The following CACHD1 variants were observed in gnomAD, a reference collection of about 807,000 sequenced individuals.
CACHD1 encodes the protein cache domain containing 1.
In CACHD1, 71 loss-of-function variants were observed where a neutral mutation model predicts 138.7. The ratio of observed to expected loss-of-function variants is 0.51; its 90% CI spans 0.42 to 0.62. The LOEUF (loss-of-function observed/expected upper bound fraction) is 0.62, where lower values mean the gene tolerates loss of function less well. Among genes scored for constraint, CACHD1 ranks in the 20% least tolerant of loss-of-function variants. The pLI is 0.00. For missense variants in CACHD1, 1,389 were observed against 1,625.3 expected (o/e 0.85, Z 2.50); for synonymous variants, 578 against 591.5 (o/e 0.98, Z 0.33).
intron 1 of CACHD1, among the ~76,000 whole-genome samples, chr1:64,494,180 G>A (rs538307524): frequency 6.6e-6 from 1 of 152,332 alleles, no homozygotes; most frequent in East Asian, 1.9e-4. Flanking sequence ...CTGAGCCCTA[G>A]TGAAAGTGGA....
chr1:64,590,500 A>T (rs1047433843), intron 3 of CACHD1, among the ~76,000 whole-genome samples: 2 of 152,170 alleles, frequency 1.3e-5, no homozygotes, highest in Admixed American at 1.3e-4. Flanking sequence ...TATTGACGTC[A>T]TATGAGCCAG....
At chr1:64,570,594 C>T (rs1019144914) in intron 2 of CACHD1, among the ~76,000 whole-genome samples, 7 of 152,006 alleles carry the variant, frequency 4.6e-5, no homozygotes, top group African/African-American at 1.2e-4. Flanking sequence ...GTTTGCAGTT[C>T]GCCCTGTCAT....
intron 9 of CACHD1, among the ~76,000 whole-genome samples, chr1:64,650,429 G>A: frequency 6.6e-6 from 1 of 152,114 alleles, no homozygotes; most frequent in East Asian, 1.9e-4. Context: ...GGAGACCTGG[G>A]AAAAACCTTC....
At chr1:64,664,379 TTTAAA>T in intron 14 of CACHD1, 114 bp from the exon 15 acceptor site, 1 of 979,106 alleles carries the variant, frequency 1.0e-6, no homozygotes, top group South Asian at 1.7e-5. Context: ...TGGAAAGATT[TTTAAA>T]AAGTAATTCG....
chr1:64,634,018 G>GTTTTTTT, intron 6 of CACHD1, 26 bp from the exon 7 acceptor site: 1 of 1,204,898 alleles, frequency 8.3e-7, no homozygotes, highest in South Asian at 1.5e-5. Context: ...AAGTTTGGTG[G>GTTTTTTT]TTTTTTTTTT....
chr1:64,622,643 G>A (rs868778576), intron 4 of CACHD1, among the ~76,000 whole-genome samples: 13 of 152,058 alleles, frequency 8.5e-5, no homozygotes, highest in Admixed American at 5.2e-4. Flanking sequence ...TTCTTAATAC[G>A]GAAGTACTAT....
Position 64,602,793 on chromosome 1 carries a change from C to A in CACHD1, c.411-13C>A. On this transcript the variant is annotated splice_polypyrimidine_tract_variant and intron_variant, in intron 3 of 26. Transcript: ENST00000651257. ...CCTGAATAAGTATTGCTAATTCTCT[C>A]CTATTGTTTCAGATTCGATGGGAAC... The A allele has an allele frequency of 1.9e-6, 3 of 1,571,064 alleles. No individual in the cohort carries two copies. The highest frequency in any genetic ancestry group is 2.6e-6 in the Non-Finnish European group (3 of 1,140,992).
chr1:64,610,438 G>C (rs1025338891), intron 4 of CACHD1, among the ~76,000 whole-genome samples: 38 of 152,154 alleles, frequency 2.5e-4, no homozygotes, highest in African/African-American at 9.2e-4. Flanking sequence ...ATACAATGGG[G>C]GTACAGGCAT....
intron 1 of CACHD1, among the ~76,000 whole-genome samples, chr1:64,473,059 C>T (rs1474546062): frequency 1.3e-5 from 2 of 152,242 alleles, no homozygotes; most frequent in East Asian, 3.9e-4. Context: ...AAGCTCTGAT[C>T]GGTGGGGGGT....
chr1:64,489,240 C>T (rs573193874), intron 1 of CACHD1, among the ~76,000 whole-genome samples: 6 of 152,122 alleles, frequency 3.9e-5, no homozygotes, highest in East Asian at 3.9e-4. Context: ...TTTTTATTTC[C>T]GTCTTATAAC....
At chr1:64,577,312 A>C (rs1646976040) in intron 2 of CACHD1, among the ~76,000 whole-genome samples, 1 of 152,134 alleles carries the variant, frequency 6.6e-6, no homozygotes, top group Admixed American at 6.5e-5. Flanking sequence ...TTTTCATAGG[A>C]ATTTTGAAGA....
At chr1:64,550,745 G>T in intron 2 of CACHD1, 89 bp downstream of exon 2, 1 of 835,668 alleles carries the variant, frequency 1.2e-6, no homozygotes, top group Non-Finnish European at 2.0e-6. Flanking sequence ...CTCCACTTGA[G>T]GTTTCCTGTT....
chr1:64,602,490 G>T (rs1174921828), intron 3 of CACHD1, among the ~76,000 whole-genome samples: 2 of 41,036 alleles, frequency 4.9e-5, no homozygotes, highest in African/African-American at 5.9e-5. Flanking sequence ...TTTTTTTGTA[G>T]CTCTATTTTG....
rs148005339 is a variant in CACHD1, at chr1:64,537,217, C to T, written c.199-13377C>T. ...CCTCCTATTCTCTTTAAAGGTTAGC[C>T]GATGATTGCGTTTTCCCCTCACCCA... On this transcript the variant is annotated intron_variant, in intron 1 of 26. Coordinates refer to ENST00000651257, the MANE Select transcript of CACHD1 (RefSeq NM_020925.4). Among the ~76,000 whole-genome samples the T allele has an allele frequency of 2.6e-4, 40 of 152,006 alleles. No individual in the cohort carries two copies. The East Asian group carries it at 6.6e-3, about 25-fold the overall frequency.
intron 3 of CACHD1, among the ~76,000 whole-genome samples, chr1:64,589,903 A>G (rs568239418): frequency 2.2e-4 from 33 of 152,288 alleles, no homozygotes; most frequent in African/African-American, 7.5e-4. Context: ...AAAGTGTACT[A>G]CTAAACCTAT....
intron 1 of CACHD1, among the ~76,000 whole-genome samples, chr1:64,472,916 A>G (rs1323860834): frequency 6.6e-6 from 1 of 151,280 alleles, no homozygotes; most frequent in Non-Finnish European, 1.5e-5. Flanking sequence ...AGATGCTGAC[A>G]GCCATTTTAC....
chr1:64,615,861 A>T (rs12044335), intron 4 of CACHD1, among the ~76,000 whole-genome samples: 21,939 of 152,104 alleles, frequency 0.14, 1,914 homozygotes, highest in African/African-American at 0.24. Flanking sequence ...TATCCAAAAC[A>T]ATCAGTCCGT....
rs373220140 is a variant in CACHD1 at position 64,613,912 on chromosome 1, A to G, written c.517+11000A>G. Among the ~76,000 whole-genome samples, 55 of 152,292 alleles carry G rather than the reference A, an allele frequency of 3.6e-4. 1 individual carries two copies. The highest frequency in any genetic ancestry group is 1.2e-3 in the African/African-American group (51 of 41,562). On this transcript the variant is annotated intron_variant, in intron 4 of 26. Transcript: ENST00000651257. ...GTCTATTTCTGAGTTTATTTATTGAATAACCACCTTCAGGACACACATCTC... is the reference window on the plus strand; with the variant it reads ...GTCTATTTCTGAGTTTATTTATTGAGTAACCACCTTCAGGACACACATCTC...
intron 4 of CACHD1, among the ~76,000 whole-genome samples, chr1:64,606,767 A>C (rs1647354309): frequency 6.6e-6 from 1 of 152,100 alleles, no homozygotes; most frequent in African/African-American, 2.4e-5. Context: ...TGAATTCTGA[A>C]TATGTTTTGA....
Sources: allele counts gnomAD v4.1 joint callset (sites outside exome capture counted in the v4.1 genomes callset), GRCh38; gene constraint gnomAD v4.1.1; transcripts MANE v1.5; gene names NCBI Gene and HGNC (gene_info 2026-07-23, HGNC 2026-07-21).